Variants in OVCH1 observed in about 807,000 individuals in gnomAD.
OVCH1 encodes the protein ovochymase-1.
In OVCH1, 139 loss-of-function variants were observed where a neutral mutation model predicts 138.4. The observed-to-expected ratio is 1.00, with a 90% CI of 0.87 to 1.16. OVCH1 has a LOEUF of 1.16. OVCH1 is among the 50% of genes most tolerant of loss of function. OVCH1 has a pLI of 0.00. For synonymous variants in OVCH1, 453 were observed against 467.8 expected (o/e 0.97, Z 0.41); for missense variants, 1,367 against 1,357.9 (o/e 1.01, Z -0.11).
chr12:29,485,969 A>AAAATAAATAAATAAAT (rs60243865), intron 8 of OVCH1, among the ~76,000 whole-genome samples: 1 of 136,334 alleles, frequency 7.3e-6, no homozygotes, highest in African/African-American at 2.8e-5. Flanking sequence ...AAAATAAAAT[A>AAAATAAATAAATAAAT]AAATAAATAA....
intron 19 of OVCH1, among the ~76,000 whole-genome samples, chr12:29,456,229 C>T (rs1226157603): frequency 6.6e-6 from 1 of 152,136 alleles, no homozygotes; most frequent in East Asian, 1.9e-4. Flanking sequence ...GTCCATGTCA[C>T]CTGCCAAAGT....
chr12:29,409,979 A>T (rs1461162423), downstream of OVCH1, among the ~76,000 whole-genome samples: 2 of 152,068 alleles, frequency 1.3e-5, no homozygotes, highest in Admixed American at 6.5e-5. Context: ...TTGCTTTATG[A>T]ATCTGGGTGC....
At chr12:29,449,501 A>G (rs1448401235) in intron 22 of OVCH1, among the ~76,000 whole-genome samples, 1 of 152,100 alleles carries the variant, frequency 6.6e-6, no homozygotes, top group East Asian at 1.9e-4. Flanking sequence ...TGACCATGGA[A>G]TGTTTTTCCA....
intron 25 of OVCH1, among the ~76,000 whole-genome samples, chr12:29,441,666 A>C (rs972949910): frequency 2.6e-5 from 4 of 152,104 alleles, no homozygotes; most frequent in Non-Finnish European, 4.4e-5. Flanking sequence ...AAAGAAACTA[A>C]CATCAGATTG....
Position 29,476,755 on chromosome 12 carries a change from GCACACACACACACACACACACACA to G in OVCH1, c.1377+323_1377+346del, listed in dbSNP as rs548409739. ...CCAAGCAGCATAAGTACACACGCGC[GCACACACACACACACACACACACA>G]CACACACACACACACACACACACAC... On this transcript the variant is annotated intron_variant, in intron 12 of 27. Transcript: ENST00000318184. Among the ~76,000 whole-genome samples, 13 of 103,422 alleles carry G rather than the reference GCACACACACACACACACACACACA, an allele frequency of 1.3e-4. 2 individuals are homozygous for G. The East Asian group carries it at 1.5e-3, about 12-fold the overall frequency. The allele number at this position is 103,422 out of a possible 152,430, so 67.8% of individuals were successfully genotyped here. A position where few individuals can be genotyped will look rare whatever the true frequency, so the allele number is the denominator to read the frequency against.
At chr12:29,425,173 C>A (rs1208319016), downstream of OVCH1, among the ~76,000 whole-genome samples, 1 of 152,096 alleles carries the variant, frequency 6.6e-6, no homozygotes, top group African/African-American at 2.4e-5. Context: ...ATTAAATAAC[C>A]ATACAAGAAA....
At position 29,476,188 on chromosome 12, in the gene OVCH1, A is replaced by G. The variant is rs2136027408; in HGVS notation, c.1471+18T>C. 1 of 1,585,280 alleles carries G rather than the reference A, an allele frequency of 6.3e-7. No individual in the cohort carries two copies. Among genetic ancestry groups the G allele is most frequent in the East Asian group, 2.2e-5 (1 of 44,742 alleles). On this transcript the variant is annotated intron_variant, in intron 13 of 27. Transcript: ENST00000318184. ...ATTCGTCTAACACTTTCATATTTAA[A>G]GGGTGAAGTCTACCTACCTAACTTG... is the stretch of plus-strand genomic sequence containing the variant.
At chr12:29,471,699 C>T in intron 16 of OVCH1, 103 bp downstream of exon 16, 1 of 1,261,600 alleles carries the variant, frequency 7.9e-7, no homozygotes. Flanking sequence ...AAGATTCTTG[C>T]TCTAGAATTA....
chr12:29,432,477 T>C (rs1941286428), intron 27 of OVCH1, among the ~76,000 whole-genome samples: 1 of 151,910 alleles, frequency 6.6e-6, no homozygotes, highest in African/African-American at 2.4e-5. Context: ...TCTACTAAGG[T>C]GGGAAAGATT....
At chr12:29,451,466 T>TGCTTGGGTG in exon 22 of OVCH1, 3 of 1,613,358 alleles carry the variant, frequency 1.9e-6, no homozygotes, top group Admixed American at 1.7e-5. Flanking sequence ...TTGCTGAAAC[T>TGCTTGGGTG]CTGAGCACCC....
intron 6 of OVCH1, among the ~76,000 whole-genome samples, chr12:29,489,046 A>G (rs3825234): frequency 0.4 from 61,354 of 151,792 alleles, 12,650 homozygotes; most frequent in East Asian, 0.55. Context: ...CTTAAAAGAG[A>G]AGATAATTTA....
chr12:29,436,102 ATATTT>A (rs1454117969), intron 26 of OVCH1, among the ~76,000 whole-genome samples: 2 of 152,024 alleles, frequency 1.3e-5, no homozygotes, highest in African/African-American at 4.8e-5. Context: ...TTATGTGACA[ATATTT>A]TATTTAATGG....
At chr12:29,466,061 C>T (rs1942306459) in intron 16 of OVCH1, among the ~76,000 whole-genome samples, 1 of 130,486 alleles carries the variant, frequency 7.7e-6, no homozygotes, top group Non-Finnish European at 1.5e-5. Context: ...AACACCTAGA[C>T]ACAGGAAGGG....
chr12:29,461,806 G>A, intron 19 of OVCH1, 48 bp downstream of exon 19: 1 of 1,609,098 alleles, frequency 6.2e-7, no homozygotes, highest in South Asian at 1.1e-5. Flanking sequence ...AAACTCTTCA[G>A]CAGATGGCAA....
At chr12:29,468,878 C>G (rs369703353) in intron 16 of OVCH1, among the ~76,000 whole-genome samples, 1 of 152,116 alleles carries the variant, frequency 6.6e-6, no homozygotes, top group Non-Finnish European at 1.5e-5. Context: ...AACTACTATA[C>G]CCAGCATCAG....
chr12:29,463,083 G>A (rs1462220598), intron 18 of OVCH1, among the ~76,000 whole-genome samples: 2 of 152,176 alleles, frequency 1.3e-5, no homozygotes, highest in Non-Finnish European at 2.9e-5. Flanking sequence ...AAGCTGGTAA[G>A]CCAAGAAATA....
chr12:29,471,941 T>A lies in OVCH1; in HGVS notation c.1717A>T (p.Arg573Ter). ...GCTTCTTCCCCTCCTGCGATTCTTC[T>A]GGAAAGCCACTGGGGACTAAATGGA... is the stretch of plus-strand genomic sequence containing the variant. The change falls in exon 16 of 28, where the codon AGA becomes TGA. Residue 573 changes from arginine to a stop codon, truncating the protein, a stop_gained. Transcript: ENST00000318184. LOFTEE classifies it high-confidence loss of function. 2 of 1,613,352 alleles carry A rather than the reference T, an allele frequency of 1.2e-6. No individual in the cohort carries two copies. Among genetic ancestry groups the A allele is most frequent in the Non-Finnish European group, 1.7e-6 (2 of 1,179,608 alleles).
At chr12:29,457,782 A>T (rs1296938203) in intron 19 of OVCH1, among the ~76,000 whole-genome samples, 1 of 152,178 alleles carries the variant, frequency 6.6e-6, no homozygotes, top group Non-Finnish European at 1.5e-5. Context: ...AGTATAAACA[A>T]ATAAGATGCT....
chr12:29,410,137 C>CT (rs894642248), downstream of OVCH1, among the ~76,000 whole-genome samples: 47 of 149,394 alleles, frequency 3.1e-4, no homozygotes, highest in Non-Finnish European at 6.1e-4. Flanking sequence ...CAACCCCTGC[C>CT]TTTTTTTGTT....
Sources: allele counts gnomAD v4.1 joint callset (sites outside exome capture counted in the v4.1 genomes callset), GRCh38; gene constraint gnomAD v4.1.1; transcripts MANE v1.5; gene names NCBI Gene and HGNC (gene_info 2026-07-23, HGNC 2026-07-21).